DNER: variants seen among roughly 807,000 people sequenced by gnomAD.
DNER encodes delta/notch like EGF repeat containing.
Under a neutral mutation model 78.2 loss-of-function variants are expected in DNER, and 33 were observed. That is an observed-to-expected ratio of 0.42 (90% CI 0.32 to 0.56). DNER has a LOEUF of 0.56. DNER is among the 20% of genes least tolerant of loss of function. DNER has a pLI of 0.11. For missense variants in DNER, 918 were observed against 975.3 expected (o/e 0.94, Z 0.78); for synonymous variants, 417 against 384.8 (o/e 1.08, Z -0.98).
At chr2:229,622,671 T>C (rs1194262938) in intron 1 of DNER, among the ~76,000 whole-genome samples, 1 of 152,116 alleles carries the variant, frequency 6.6e-6, no homozygotes, top group Non-Finnish European at 1.5e-5. Flanking sequence ...TAGTTAGATA[T>C]GATGAGGTCA....
intron 5 of DNER, among the ~76,000 whole-genome samples, chr2:229,517,815 C>T (rs1259795133): frequency 1.3e-5 from 2 of 152,154 alleles, no homozygotes; most frequent in Admixed American, 6.5e-5. Context: ...ACAACGAACA[C>T]GGCAGGTCCC....
rs1465940277 is a variant in DNER, at chr2:229,665,730, A to G, written c.276+48418T>C. The stretch of plus-strand genomic sequence containing the variant: ...GTCAAACTAAAATGGGGCCTAATAT[A>G]GATTCCAACACCATGAACACTTGGG... On this transcript the variant is annotated intron_variant, in intron 1 of 12. Transcript: ENST00000341772. 2.0e-5 allele frequency among the ~76,000 whole-genome samples: 3 copies of G among 152,312 alleles called. No individual in the cohort carries two copies. The East Asian group carries it at 5.8e-4, about 29-fold the overall frequency.
intron 6 of DNER, among the ~76,000 whole-genome samples, chr2:229,479,712 CAAAAAAAAAAA>C (rs1023070502): frequency 1.3e-5 from 1 of 79,816 alleles, no homozygotes; most frequent in Non-Finnish European, 2.7e-5. Context: ...GACTTTGTCT[CAAAAAAAAAAA>C]AAAAAAAACA....
chr2:229,588,394 T>C lies in DNER; in HGVS notation c.680A>G (p.Lys227Arg). 6.2e-7 allele frequency: 1 copy of C among 1,613,958 alleles called. No individual in the cohort carries two copies. Among genetic ancestry groups the C allele is most frequent in the Non-Finnish European group, 8.5e-7 (1 of 1,179,906 alleles). ...SFEVPQNTSV[K>R]IRQDATASLI... ...AGTTTGTAACTCAGAATTTTCTTAC[T>C]TGACTGAGGTGTTCTGTGGCACTTC... The change falls in exon 3 of 13, where the codon AAG becomes AGG. Residue 227 changes from lysine (K) to arginine (R), a missense_variant and splice_region_variant. By Grantham distance (26) the Lys-to-Arg change is conservative. Coordinates refer to ENST00000341772, the MANE Select transcript of DNER (RefSeq NM_139072.4).
intron 7 of DNER, among the ~76,000 whole-genome samples, chr2:229,461,105 G>A (rs868255700): frequency 6.6e-5 from 10 of 152,032 alleles, no homozygotes; most frequent in East Asian, 5.8e-4. Context: ...TGGCTGAGAC[G>A]GTCAGAACAG....
At chr2:229,644,476 C>G (rs1166522732) in intron 1 of DNER, among the ~76,000 whole-genome samples, 1 of 151,664 alleles carries the variant, frequency 6.6e-6, no homozygotes, top group African/African-American at 2.4e-5. Flanking sequence ...CCTGTAATCC[C>G]AGCTACGCGG....
Position 229,358,635 on chromosome 2 carries a change from G to C in DNER, c.2119C>G (p.Arg707Gly). Residue 707 changes from arginine to glycine, a missense_variant, in exon 13 of 13, where the codon CGG becomes GGG. Coordinates refer to ENST00000341772, the MANE Select transcript of DNER (RefSeq NM_139072.4). ...IRHARFGKKSRPAMYDVSPIA... is the reference protein window; with the variant it reads ...IRHARFGKKSGPAMYDVSPIA... ...GGGCTCACATCATACATTGCAGGCC[G>C]GGATTTCTTTCCAAACCTGAAATCA... 6.2e-7 allele frequency: 1 copy of C among 1,613,194 alleles called. No individual in the cohort carries two copies. The highest frequency in any genetic ancestry group is 8.5e-7 in the Non-Finnish European group (1 of 1,179,594).
In DNER at chr2:229,547,031, C is replaced by T. The variant is rs1316745137; in HGVS notation, c.909G>A (p.Lys303=). ...TCTCCCCCGGCACACAGGTGCTGAC[C>T]TTCACCACCAGAGTTAAGCGCAAAG... ...IVALRLTLVV[K]VSTCVPGESH... The change falls in exon 5 of 13, where the codon AAG becomes AAA. Residue 303 remains lysine (K), a synonymous_variant. Coordinates refer to ENST00000341772, the MANE Select transcript of DNER (RefSeq NM_139072.4). The T allele has an allele frequency of 6.2e-7, 1 of 1,614,146 alleles. No individual in the cohort carries two copies. Among genetic ancestry groups the T allele is most frequent in the Non-Finnish European group, 8.5e-7 (1 of 1,180,014 alleles).
At chr2:229,627,687 A>G (rs1188141509) in intron 1 of DNER, among the ~76,000 whole-genome samples, 12 of 152,216 alleles carry the variant, frequency 7.9e-5, no homozygotes, top group South Asian at 2.1e-4. Flanking sequence ...TGAAAAAACA[A>G]GACTCCCAGT....
intron 7 of DNER, among the ~76,000 whole-genome samples, chr2:229,452,101 C>A (rs1216690292): frequency 6.6e-6 from 1 of 152,142 alleles, no homozygotes; most frequent in Non-Finnish European, 1.5e-5. Flanking sequence ...GCTTACATTT[C>A]ATTCTGAGGC....
At chr2:229,362,810 C>A (rs1315147884) in intron 12 of DNER, among the ~76,000 whole-genome samples, 1 of 152,162 alleles carries the variant, frequency 6.6e-6, no homozygotes, top group African/African-American at 2.4e-5. Context: ...GGTGACAAGT[C>A]TTGTGTGTCT....
Position 229,358,891 on chromosome 2 carries a change from C to T in DNER, c.2103-240G>A, listed in dbSNP as rs1020259192. 2.0e-5 allele frequency among the ~76,000 whole-genome samples: 3 copies of T among 152,272 alleles called. No homozygotes were observed. The South Asian group carries it at 6.2e-4, about 32-fold the overall frequency. ...ATGTAGAGCTCAAAGTTGGAGCTTG[C>T]AGGTTAAATCTTGGCAAAGCAGTCA... is the stretch of plus-strand genomic sequence containing the variant. On this transcript the variant is annotated intron_variant, in intron 12 of 12. Transcript: ENST00000341772.
chr2:229,502,535 CG>C (rs1357541265), intron 6 of DNER, among the ~76,000 whole-genome samples: 1 of 152,054 alleles, frequency 6.6e-6, no homozygotes, highest in Non-Finnish European at 1.5e-5. Flanking sequence ...GCTGGCAGCC[CG>C]GGGAGCTACA....
intron 11 of DNER, among the ~76,000 whole-genome samples, chr2:229,380,482 G>C (rs927187131): frequency 7.2e-5 from 11 of 152,162 alleles, no homozygotes; most frequent in African/African-American, 2.7e-4. Context: ...ACTTTCCCAG[G>C]AAAAGAAGCA....
At chr2:229,465,957 A>G (rs1694796226) in intron 7 of DNER, among the ~76,000 whole-genome samples, 1 of 152,006 alleles carries the variant, frequency 6.6e-6, no homozygotes, top group African/African-American at 2.4e-5. Flanking sequence ...TTGTCCTCTT[A>G]TAGCCAAATC....
intron 8 of DNER, among the ~76,000 whole-genome samples, chr2:229,426,357 C>T (rs1462521031): frequency 2.1e-5 from 3 of 142,464 alleles, no homozygotes; most frequent in Non-Finnish European, 3.0e-5. Flanking sequence ...AGGAGAATGG[C>T]GTGAACCCAG....
intron 1 of DNER, among the ~76,000 whole-genome samples, chr2:229,664,115 A>T (rs1266678580): frequency 6.6e-6 from 1 of 152,194 alleles, no homozygotes; most frequent in African/African-American, 2.4e-5. Flanking sequence ...TGAATCCTGT[A>T]ATTCACAAAA....
chr2:229,691,652 A>T (rs915290426), intron 1 of DNER, among the ~76,000 whole-genome samples: 8 of 152,204 alleles, frequency 5.3e-5, no homozygotes, highest in Non-Finnish European at 8.8e-5. Context: ...ATGAAACTGC[A>T]TAAAATACAA....
intron 5 of DNER, among the ~76,000 whole-genome samples, chr2:229,514,006 G>C (rs531734698): frequency 6.6e-6 from 1 of 151,910 alleles, no homozygotes; most frequent in East Asian, 1.9e-4. Flanking sequence ...ACAACCCACT[G>C]CCTGCCTTCC....
Sources: gnomAD v4.1 joint callset for allele counts (sites outside exome capture counted in the v4.1 genomes callset) on GRCh38, gnomAD v4.1.1 for gene constraint, MANE v1.5 for transcripts, NCBI Gene and HGNC (gene_info 2026-07-23, HGNC 2026-07-21) for gene names.